DLGAP2: variants seen among roughly 807,000 people sequenced by gnomAD.
DLGAP2 encodes the protein DLG associated protein 2, also known as disks large-associated protein 2.
Under a neutral mutation model 100.3 loss-of-function variants are expected in DLGAP2, and 26 were observed. That is an observed-to-expected ratio of 0.26 (90% CI 0.19 to 0.36). The LOEUF is 0.36. Ranked by LOEUF, DLGAP2 falls within the 10% of genes least tolerant of loss-of-function variation. The pLI, the probability that DLGAP2 is intolerant of heterozygous loss-of-function variation, is 1.00. For synonymous variants in DLGAP2, 886 were observed against 630.1 expected (o/e 1.41, Z -6.08); for missense variants, 1,858 against 1,453.2 (o/e 1.28, Z -4.53).
intron 3 of DLGAP2, among the ~76,000 whole-genome samples, chr8:1,364,069 C>T (rs1010620052): frequency 1.8e-4 from 27 of 152,208 alleles, no homozygotes; most frequent in South Asian, 4.1e-4. Context: ...ACTCCTGCCG[C>T]CTTCAGGTGC....
chr8:1,316,057 GC>G (rs1800735996), intron 3 of DLGAP2, among the ~76,000 whole-genome samples: 1 of 138,748 alleles, frequency 7.2e-6, no homozygotes, highest in Non-Finnish European at 1.6e-5. Context: ...TAAAAATAGA[GC>G]GTGTGTGAGT....
At chr8:1,607,233 CTT>C (rs1286109100) in intron 6 of DLGAP2, among the ~76,000 whole-genome samples, 1 of 152,074 alleles carries the variant, frequency 6.6e-6, no homozygotes, top group Non-Finnish European at 1.5e-5. Flanking sequence ...TAAAATCTGA[CTT>C]ATATTCTTTA....
At chr8:796,901 A>C (rs1057221965) in intron 1 of DLGAP2, among the ~76,000 whole-genome samples, 4 of 145,816 alleles carry the variant, frequency 2.7e-5, no homozygotes, top group African/African-American at 9.7e-5. Context: ...TTGCTCAGCA[A>C]ACACCTACTT....
chr8:1,680,930 G>T (rs376890525), intron 12 of DLGAP2: 1 of 152,232 alleles, frequency 6.6e-6, no homozygotes, highest in South Asian at 2.1e-4. Flanking sequence ...TAGGGCTGGG[G>T]TGCCTTCCTT....
chr8:899,186 C>T (rs1798203436), intron 1 of DLGAP2, among the ~76,000 whole-genome samples: 1 of 152,232 alleles, frequency 6.6e-6, no homozygotes, highest in Non-Finnish European at 1.5e-5. Flanking sequence ...CTCCAACCTG[C>T]TCCCATAGTG....
At chr8:887,843 A>T (rs1797952506) in intron 1 of DLGAP2, among the ~76,000 whole-genome samples, 1 of 152,000 alleles carries the variant, frequency 6.6e-6, no homozygotes, top group Non-Finnish European at 1.5e-5. Context: ...TCTGATGATT[A>T]TGTGTCTTGG....
chr8:1,531,159 C>T (rs1201795317), intron 4 of DLGAP2, among the ~76,000 whole-genome samples: 1 of 151,800 alleles, frequency 6.6e-6, no homozygotes, highest in Non-Finnish European at 1.5e-5. Context: ...ACTTAAGTTC[C>T]TCCCCTCCCC....
At chr8:1,473,361 A>T (rs1432641418) in intron 3 of DLGAP2, among the ~76,000 whole-genome samples, 1 of 152,244 alleles carries the variant, frequency 6.6e-6, no homozygotes, top group Admixed American at 6.5e-5. Context: ...GATGAGAGGA[A>T]CGGAGAACGG....
chr8:998,335 C>T (rs905484674), intron 2 of DLGAP2, among the ~76,000 whole-genome samples: 2 of 152,186 alleles, frequency 1.3e-5, no homozygotes, highest in African/African-American at 2.4e-5. Context: ...GGGTCTTGCT[C>T]TGTCACCCAG....
intron 8 of DLGAP2, among the ~76,000 whole-genome samples, chr8:1,663,131 T>G: frequency 2.5e-5 from 3 of 120,928 alleles, no homozygotes; most frequent in Admixed American, 8.8e-5. Flanking sequence ...GTGGGGGGTG[T>G]GTGTGTGTAT....
At chr8:904,321 A>G (rs920955460) in intron 1 of DLGAP2, among the ~76,000 whole-genome samples, 2 of 152,064 alleles carry the variant, frequency 1.3e-5, no homozygotes, top group Admixed American at 1.3e-4. Context: ...GGAATTTGAG[A>G]CCAGCTTGGC....
intron 4 of DLGAP2, among the ~76,000 whole-genome samples, chr8:1,528,974 C>G (rs1287630992): frequency 6.6e-6 from 1 of 152,184 alleles, no homozygotes; most frequent in Non-Finnish European, 1.5e-5. Context: ...CTAAAATGTT[C>G]ACGTGATATT....
chr8:1,562,507 G>T lies in DLGAP2; in HGVS notation c.1231-3176G>T, dbSNP rs868435175. Among the ~76,000 whole-genome samples, 9 of 47,366 alleles carry T rather than the reference G, an allele frequency of 1.9e-4. 1 individual carries two copies. Among genetic ancestry groups the T allele is most frequent in the African/African-American group, 2.8e-4 (3 of 10,630 alleles). The allele number at this position is 47,366 out of a possible 152,430, so 31.1% of individuals were successfully genotyped here. On this transcript the variant is annotated intron_variant, in intron 5 of 14. Transcript: ENST00000637795. ...CGCCTCGTTACTGGGGGACTGTGTG[G>T]TGTTGGGGTGTCCGCGCCTCGTTAC... is the stretch of plus-strand genomic sequence containing the variant.
At chr8:1,439,844 C>CT (rs1797776970) in intron 3 of DLGAP2, among the ~76,000 whole-genome samples, 1 of 152,150 alleles carries the variant, frequency 6.6e-6, no homozygotes. Flanking sequence ...TAGTGAGGTG[C>CT]TTGCTCTGGA....
intron 6 of DLGAP2, among the ~76,000 whole-genome samples, chr8:1,570,219 G>A (rs59205760): frequency 0.014 from 2,182 of 152,310 alleles, 68 homozygotes; most frequent in African/African-American, 0.048. Context: ...TCCATGTGCC[G>A]TCTTCATTCT....
chr8:949,399 G>C (rs1160107767), intron 2 of DLGAP2, among the ~76,000 whole-genome samples: 1 of 152,202 alleles, frequency 6.6e-6, no homozygotes, highest in Non-Finnish European at 1.5e-5. Flanking sequence ...GATTGGCTGG[G>C]GCCGCCCAGG....
chr8:1,533,264 C>T lies in DLGAP2; in HGVS notation c.173-15362C>T, dbSNP rs571916592. Among the ~76,000 whole-genome samples, 8 of 151,986 alleles carry T rather than the reference C, an allele frequency of 5.3e-5. No homozygotes were observed. The South Asian group carries it at 8.3e-4, about 16-fold the overall frequency. Reference sequence around the variant, plus strand: ...CTGTAATTCCAGCACTTTGGGAGGCCGAGGTGGGCAGATCATGAGGTCAGG... The same window carrying T: ...CTGTAATTCCAGCACTTTGGGAGGCTGAGGTGGGCAGATCATGAGGTCAGG... On this transcript the variant is annotated intron_variant, in intron 4 of 14. Transcript: ENST00000637795.
chr8:1,305,057 A>C (rs1800456637), intron 3 of DLGAP2, among the ~76,000 whole-genome samples: 1 of 152,154 alleles, frequency 6.6e-6, no homozygotes, highest in Admixed American at 6.5e-5. Context: ...GTGACCTCCC[A>C]CCTGGAGGTG....
At chr8:1,659,891 A>ATAGCTGGT (rs1442329993) in intron 8 of DLGAP2, among the ~76,000 whole-genome samples, 10 of 152,096 alleles carry the variant, frequency 6.6e-5, no homozygotes, top group Non-Finnish European at 1.5e-5. Context: ...CATTATGATG[A>ATAGCTGGT]TAGCTGGTTA....
Sources: gnomAD v4.1 joint callset for allele counts (sites outside exome capture counted in the v4.1 genomes callset) on GRCh38, gnomAD v4.1.1 for gene constraint, MANE v1.5 for transcripts, NCBI Gene and HGNC (gene_info 2026-07-23, HGNC 2026-07-21) for gene names.